TMT1B: variants seen among roughly 807,000 people sequenced by gnomAD.
TMT1B encodes thiol S-methyltransferase TMT1B.
the TMT1B span, chr12:55,683,903 C>T: frequency 3.1e-6 from 5 of 1,614,128 alleles, no homozygotes; most frequent in Non-Finnish European, 4.2e-6. Flanking sequence ...CACCTGGAAA[C>T]ACATTGGGGA....
the TMT1B span, chr12:55,682,115 C>G: frequency 6.2e-7 from 1 of 1,614,128 alleles, no homozygotes; most frequent in South Asian, 1.1e-5. Flanking sequence ...CCAATATGAG[C>G]GGTTTGTGGT....
At chr12:55,683,705 C>G in the TMT1B span, 2 of 1,115,140 alleles carry the variant, frequency 1.8e-6, no homozygotes, top group Non-Finnish European at 2.7e-6. Flanking sequence ...CATGAACTCT[C>G]AGACCAGCAG....
the TMT1B span, among the ~76,000 whole-genome samples, chr12:55,683,444 G>A: frequency 9.2e-5 from 14 of 151,990 alleles, no homozygotes; most frequent in South Asian, 1.2e-3. Context: ...GCAGTGCGCC[G>A]AGATCACGCC....
the TMT1B span, chr12:55,683,992 C>T: frequency 6.2e-6 from 10 of 1,613,772 alleles, no homozygotes; most frequent in Middle Eastern, 5.1e-4. Context: ...AACGACAGCC[C>T]CCTCCCTTGA....
At chr12:55,682,959 G>C in the TMT1B span, among the ~76,000 whole-genome samples, 2 of 152,136 alleles carry the variant, frequency 1.3e-5, no homozygotes, top group African/African-American at 4.8e-5. Flanking sequence ...CAGGTTTCTA[G>C]CATGAGCAAC....
the TMT1B span, among the ~76,000 whole-genome samples, chr12:55,683,169 T>C: frequency 6.6e-6 from 1 of 152,024 alleles, no homozygotes; most frequent in East Asian, 1.9e-4. Context: ...TGCATCTGGG[T>C]TTTGTGAGAG....
the TMT1B span, chr12:55,681,930 T>C: frequency 6.2e-7 from 1 of 1,614,136 alleles, no homozygotes; most frequent in African/African-American, 1.3e-5. Context: ...CGGGAGCTCT[T>C]CAGCCAGATA....
chr12:55,682,211 C>T, the TMT1B span: 4 of 1,613,778 alleles, frequency 2.5e-6, no homozygotes, highest in African/African-American at 1.3e-5. Flanking sequence ...TGTGCAGAGC[C>T]CAAGGAAGGT....
chr12:55,683,297 C>T, the TMT1B span, among the ~76,000 whole-genome samples: 4 of 152,220 alleles, frequency 2.6e-5, no homozygotes, highest in East Asian at 1.9e-4. Context: ...AGTTTGAAAC[C>T]AGACTGGCCA....
chr12:55,684,020 C>T, the TMT1B span: 3 of 1,613,570 alleles, frequency 1.9e-6, no homozygotes, highest in East Asian at 2.2e-5. Context: ...ACCTGTTGGG[C>T]CCCACATCAT....
chr12:55,684,362 T>C, the TMT1B span: 3 of 331,908 alleles, frequency 9.0e-6, no homozygotes, highest in East Asian at 2.1e-4. Flanking sequence ...TCCCTTTCCT[T>C]CGTTCCCATG....
the TMT1B span, among the ~76,000 whole-genome samples, chr12:55,682,935 T>C: frequency 1.3e-5 from 2 of 152,076 alleles, no homozygotes; most frequent in Non-Finnish European, 2.9e-5. Context: ...GGAGAGAACG[T>C]TCAGAATAGT....
chr12:55,683,422 G>A, the TMT1B span, among the ~76,000 whole-genome samples: 5,596 of 152,198 alleles, frequency 0.037, 147 homozygotes, highest in Middle Eastern at 0.088. Context: ...TTGAACCTGA[G>A]AGGTGGAGGT....
the TMT1B span, chr12:55,683,789 C>T: frequency 1.9e-6 from 3 of 1,609,090 alleles, no homozygotes; most frequent in Admixed American, 5.0e-5. Context: ...AGCCAAGTGA[C>T]ACTAACTCTC....
the TMT1B span, among the ~76,000 whole-genome samples, chr12:55,683,409 C>T: frequency 6.6e-6 from 1 of 152,076 alleles, no homozygotes; most frequent in Non-Finnish European, 1.5e-5. Context: ...GCAGGAGAAT[C>T]GCTTGAACCT....
chr12:55,684,051 C>T, the TMT1B span: 3 of 1,612,326 alleles, frequency 1.9e-6, no homozygotes, highest in East Asian at 6.7e-5. Context: ...GTCAAATAAT[C>T]TTTCCCAAGC....
the TMT1B span, chr12:55,684,347 T>C: frequency 3.6e-5 from 13 of 365,266 alleles, no homozygotes; most frequent in Non-Finnish European, 6.2e-5. Context: ...TGCCTCCCAA[T>C]GTTGTCCCTT....
chr12:55,682,077 C>T, the TMT1B span: 1 of 1,614,224 alleles, frequency 6.2e-7, no homozygotes, highest in Non-Finnish European at 8.5e-7. Context: ...AAGTTCCTGA[C>T]AAAGAGCATG....
At chr12:55,684,011 C>T in the TMT1B span, 1 of 1,613,772 alleles carries the variant, frequency 6.2e-7, no homozygotes, top group Non-Finnish European at 8.5e-7. Flanking sequence ...GAAGTGGCTA[C>T]CTGTTGGGCC....
Sources: allele counts gnomAD v4.1 joint callset (sites outside exome capture counted in the v4.1 genomes callset), GRCh38; gene constraint gnomAD v4.1.1; transcripts MANE v1.5; gene names NCBI Gene and HGNC (gene_info 2026-07-23, HGNC 2026-07-21).